Variants in WDPCP observed in about 807,000 individuals in gnomAD.
WDPCP encodes the protein WD repeat containing planar cell polarity effector, also known as WD repeat-containing and planar cell polarity effector protein fritz homolog.
A neutral mutation model predicts 93.1 loss-of-function variants in WDPCP; 71 were observed. That is an observed-to-expected ratio of 0.76 (90% CI 0.63 to 0.93). The LOEUF is 0.93. WDPCP is among the 40% of genes least tolerant of loss of function. The pLI is 0.00. For missense variants in WDPCP, 844 were observed against 887.4 expected, an observed-to-expected ratio of 0.95 and a Z score of 0.62; for synonymous variants, 315 against 315.0, an observed-to-expected ratio of 1.00 and a Z score of 0.00.
intron 10 of WDPCP, among the ~76,000 whole-genome samples, chr2:63,393,749 T>C (rs1019745544): frequency 2.6e-5 from 4 of 151,574 alleles, no homozygotes; most frequent in African/African-American, 9.7e-5. Flanking sequence ...TGAAACAGAA[T>C]AGAGAGCCCA....
At chr2:63,205,220 T>C (rs1676246948) in intron 14 of WDPCP, among the ~76,000 whole-genome samples, 1 of 152,338 alleles carries the variant, frequency 6.6e-6, no homozygotes, top group Admixed American at 6.5e-5. Flanking sequence ...TTTATGCCAG[T>C]ACCATGTTGT....
intron 13 of WDPCP, among the ~76,000 whole-genome samples, chr2:63,263,370 A>G (rs1024934576): frequency 6.6e-6 from 1 of 152,244 alleles, no homozygotes; most frequent in African/African-American, 2.4e-5. Flanking sequence ...AGTCTCTGCC[A>G]TCATGAACAA....
At chr2:63,421,011 T>C (rs1210857511) in intron 9 of WDPCP, among the ~76,000 whole-genome samples, 1 of 152,214 alleles carries the variant, frequency 6.6e-6, no homozygotes, top group East Asian at 1.9e-4. Flanking sequence ...ATATTACCTA[T>C]TGCTAAACTG....
At chr2:63,301,102 C>G (rs1166596914) in intron 13 of WDPCP, among the ~76,000 whole-genome samples, 1 of 152,228 alleles carries the variant, frequency 6.6e-6, no homozygotes, top group East Asian at 1.9e-4. Flanking sequence ...CCTAGTGGGA[C>G]AGGGATCCAT....
intron 13 of WDPCP, among the ~76,000 whole-genome samples, chr2:63,263,869 T>C (rs908320557): frequency 2.0e-5 from 3 of 152,180 alleles, no homozygotes; most frequent in Admixed American, 6.6e-5. Flanking sequence ...CATTGTAACA[T>C]TAGTTTTAAT....
intron 11 of WDPCP, among the ~76,000 whole-genome samples, chr2:63,379,716 C>T (rs981456740): frequency 3.3e-5 from 5 of 152,052 alleles, no homozygotes; most frequent in African/African-American, 1.2e-4. Flanking sequence ...AAGATAACTA[C>T]AATACGGCTA....
intron 12 of WDPCP, among the ~76,000 whole-genome samples, chr2:63,361,708 G>T (rs1287733268): frequency 6.6e-6 from 1 of 152,112 alleles, no homozygotes; most frequent in East Asian, 1.9e-4. Context: ...TTTGTTTGTT[G>T]TTGTTGTTGT....
chr2:63,468,715 C>A (rs1699510154), intron 6 of WDPCP, among the ~76,000 whole-genome samples: 1 of 152,102 alleles, frequency 6.6e-6, no homozygotes, highest in Admixed American at 6.6e-5. Context: ...CCCCCCTTAG[C>A]AGGTATGTTT....
intron 8 of WDPCP, among the ~76,000 whole-genome samples, chr2:63,436,965 T>C: frequency 6.6e-6 from 1 of 152,074 alleles, no homozygotes; most frequent in Non-Finnish European, 1.5e-5. Flanking sequence ...GGGAGGGTTC[T>C]TCCCCCTCCT....
intron 1 of WDPCP, among the ~76,000 whole-genome samples, chr2:63,533,900 CA>C (rs754147445): frequency 6.6e-6 from 1 of 151,430 alleles, no homozygotes; most frequent in Non-Finnish European, 1.5e-5. Context: ...AAAAACCCTA[CA>C]AAAAATCAAT....
At chr2:63,622,708 G>T (rs1307848988) in intron 3 of WDPCP, 2 of 1,613,484 alleles carry the variant, frequency 1.2e-6, no homozygotes, top group Non-Finnish European at 1.7e-6. Flanking sequence ...GTCACCTCCC[G>T]GTGTACTATG....
intron 11 of WDPCP, among the ~76,000 whole-genome samples, chr2:63,380,260 T>TCA (rs1253506752): frequency 6.6e-6 from 1 of 152,010 alleles, no homozygotes; most frequent in Non-Finnish European, 1.5e-5. Flanking sequence ...AAGTATACAC[T>TCA]CAGTCATTAC....
intron 2 of WDPCP, among the ~76,000 whole-genome samples, chr2:63,669,494 G>T (rs1367758542): frequency 5.3e-5 from 8 of 151,806 alleles, no homozygotes; most frequent in African/African-American, 1.9e-4. Flanking sequence ...CGAGTAGATG[G>T]GATTACAGGT....
At chr2:63,449,595 C>A (rs578256170) in intron 6 of WDPCP, among the ~76,000 whole-genome samples, 11 of 152,238 alleles carry the variant, frequency 7.2e-5, no homozygotes, top group Admixed American at 4.6e-4. Context: ...CGGTCCACAT[C>A]CCCACTATGG....
chr2:63,369,637 A>C (rs886167514), intron 12 of WDPCP, among the ~76,000 whole-genome samples: 2 of 152,188 alleles, frequency 1.3e-5, no homozygotes, highest in Non-Finnish European at 2.9e-5. Flanking sequence ...TCATTTGTTC[A>C]ATGTCACGCC....
At chr2:63,179,623 CTTCTT>C (rs911324912) in intron 14 of WDPCP, among the ~76,000 whole-genome samples, 31 of 151,980 alleles carry the variant, frequency 2.0e-4, no homozygotes, top group Admixed American at 3.3e-4. Flanking sequence ...ATCAATAAAA[CTTCTT>C]TTCTTTATGA....
At chr2:63,262,076 T>C (rs1681677580) in intron 13 of WDPCP, among the ~76,000 whole-genome samples, 1 of 152,178 alleles carries the variant, frequency 6.6e-6, no homozygotes, top group Non-Finnish European at 1.5e-5. Flanking sequence ...TTTTTCAACT[T>C]TGCTAATATT....
chr2:63,721,260 G>C (rs1014850851), intron 2 of WDPCP, among the ~76,000 whole-genome samples: 4 of 152,250 alleles, frequency 2.6e-5, no homozygotes, highest in Non-Finnish European at 5.9e-5. Flanking sequence ...GTCCACTTCA[G>C]AGTGGTGTCA....
In WDPCP at chr2:63,295,880, CAA is replaced by C. The variant is rs59418675; in HGVS notation, c.1812+17366_1812+17367del. ...GGTACCAAACTTAGTGAAACTATTC[CAA>C]AAAAAAAAAAAAAAAAAAAAAATCA... On this transcript the variant is annotated intron_variant, in intron 13 of 17. Coordinates refer to ENST00000272321, the MANE Select transcript of WDPCP (RefSeq NM_015910.7). 7.0e-4 allele frequency among the ~76,000 whole-genome samples: 81 copies of C among 115,212 alleles called. 2 individuals are homozygous for C. The highest frequency in any genetic ancestry group is 1.7e-3 in the African/African-American group (52 of 29,788). 75.6% of individuals were successfully genotyped at this position (115,212 alleles called of 152,430 possible).
Sources: allele counts gnomAD v4.1 joint callset (sites outside exome capture counted in the v4.1 genomes callset), GRCh38; gene constraint gnomAD v4.1.1; transcripts MANE v1.5; gene names NCBI Gene and HGNC (gene_info 2026-07-23, HGNC 2026-07-21).